Variants in ATL1 observed in about 807,000 individuals in gnomAD.
ATL1 encodes atlastin-1.
In ATL1, 31 loss-of-function variants were observed where a neutral mutation model predicts 75.5. The observed-to-expected ratio is 0.41, with a 90% CI of 0.31 to 0.55. The LOEUF (loss-of-function observed/expected upper bound fraction) is 0.55, where lower values mean the gene tolerates loss of function less well. ATL1 is among the 20% of genes least tolerant of loss of function. ATL1 has a pLI of 0.27. For synonymous variants in ATL1, 226 were observed against 233.3 expected (o/e 0.97, Z 0.28); for missense variants, 405 against 662.6 (o/e 0.61, Z 4.27).
chr14:50,603,513 A>C (rs2039289882), intron 6 of ATL1, among the ~76,000 whole-genome samples: 1 of 151,758 alleles, frequency 6.6e-6, no homozygotes, highest in African/African-American at 2.4e-5. Context: ...ACTCTATTAC[A>C]TTAGGACAAG....
At chr14:50,590,316 C>T (rs1441300207) in intron 2 of ATL1, among the ~76,000 whole-genome samples, 2 of 152,248 alleles carry the variant, frequency 1.3e-5, no homozygotes, top group Non-Finnish European at 2.9e-5. Context: ...CATAACTTTC[C>T]GTCGCCTGCA....
chr14:50,592,929 A>AATATAT (rs1555364084), intron 4 of ATL1, among the ~76,000 whole-genome samples: 137 of 113,870 alleles, frequency 1.2e-3, no homozygotes, highest in African/African-American at 3.3e-3. Flanking sequence ...AAAAAAAAAA[A>AATATAT]ATATATATAT....
At chr14:50,543,465 G>A (rs1211100870) in intron 1 of ATL1, among the ~76,000 whole-genome samples, 1 of 152,216 alleles carries the variant, frequency 6.6e-6, no homozygotes, top group African/African-American at 2.4e-5. Context: ...ATGGGCTTAT[G>A]GAATGCCTTG....
intron 1 of ATL1, among the ~76,000 whole-genome samples, chr14:50,562,049 AC>A (rs2038851778): frequency 6.6e-6 from 1 of 150,926 alleles, no homozygotes; most frequent in African/African-American, 2.4e-5. Flanking sequence ...TTGGCTATAA[AC>A]TTTTTTTTTT....
intron 4 of ATL1, 135 bp downstream of exon 4, chr14:50,591,774 G>T (rs191641958): frequency 6.2e-6 from 4 of 649,050 alleles, no homozygotes; most frequent in Admixed American, 5.3e-5. Flanking sequence ...ATTAGCATAC[G>T]AGTTCTCGTG....
chr14:50,615,565 G>T (rs1385627481), intron 8 of ATL1, among the ~76,000 whole-genome samples: 1 of 152,082 alleles, frequency 6.6e-6, no homozygotes, highest in African/African-American at 2.4e-5. Context: ...TCAGCATGGT[G>T]GTTATATACA....
chr14:50,612,619 A>G (rs769231308), intron 6 of ATL1, among the ~76,000 whole-genome samples: 14 of 152,158 alleles, frequency 9.2e-5, no homozygotes, highest in Non-Finnish European at 2.1e-4. Flanking sequence ...TGCCACATAC[A>G]AAACAGTTCT....
chr14:50,627,140 C>A (rs2039528948), intron 11 of ATL1, among the ~76,000 whole-genome samples: 1 of 152,228 alleles, frequency 6.6e-6, no homozygotes, highest in Non-Finnish European at 1.5e-5. Flanking sequence ...TTCAGCAACA[C>A]CACCCTAATC....
intron 1 of ATL1, among the ~76,000 whole-genome samples, chr14:50,553,085 A>G (rs2140162685): frequency 6.6e-6 from 1 of 152,248 alleles, no homozygotes; most frequent in South Asian, 2.1e-4. Context: ...ACTTGAGGTC[A>G]GGAGTTCAAG....
At chr14:50,578,339 T>C (rs2039025738) in intron 1 of ATL1, among the ~76,000 whole-genome samples, 1 of 152,192 alleles carries the variant, frequency 6.6e-6, no homozygotes, top group Admixed American at 6.5e-5. Context: ...GCCTTGAACA[T>C]ATAAATGTAA....
chr14:50,546,498 G>A (rs1382934530), intron 1 of ATL1, among the ~76,000 whole-genome samples: 2 of 152,050 alleles, frequency 1.3e-5, no homozygotes, highest in African/African-American at 2.4e-5. Context: ...CACACATTAA[G>A]GTAAAGTCAA....
intron 1 of ATL1, among the ~76,000 whole-genome samples, chr14:50,584,871 C>A (rs1271818713): frequency 3.3e-5 from 5 of 151,780 alleles, no homozygotes; most frequent in Non-Finnish European, 7.4e-5. Flanking sequence ...TTAAGAATGC[C>A]TTTTCATCAA....
intron 1 of ATL1, among the ~76,000 whole-genome samples, chr14:50,535,319 C>T (rs1458037711): frequency 1.3e-5 from 2 of 152,182 alleles, no homozygotes; most frequent in East Asian, 3.8e-4. Flanking sequence ...CTAAGGTTCA[C>T]AATTTATTAT....
chr14:50,616,455 G>GTTATTTATTTATTTAT (rs200056004), intron 8 of ATL1, among the ~76,000 whole-genome samples: 1 of 141,250 alleles, frequency 7.1e-6, no homozygotes, highest in Non-Finnish European at 1.5e-5. Context: ...ACCATGCCCG[G>GTTATTTATTTATTTAT]TTATTTATTT....
rs371579681 is a variant in ATL1, at chr14:50,613,329, A to T, written c.701A>T (p.Lys234Ile). 6.2e-7 allele frequency: 1 copy of T among 1,613,206 alleles called. No homozygotes were observed. ...EFSYGADGGA[K>I]FLEKRLKVSG... ...TCATATGGAGCCGATGGTGGTGCCA[A>T]ATTCTTGGAAAAACGCCTCAAGGTT... Residue 234 changes from lysine (K) to isoleucine (I), a missense_variant, in exon 7 of 14, where the codon AAA becomes ATA. Physicochemically the swap from Lys to Ile is moderately radical, Grantham distance 102 (BLOSUM62 -3). This residue lies in a region of ATL1 where 59 missense variants were observed against 161.4 expected (regional missense o/e 0.37). Coordinates refer to ENST00000358385, the MANE Select transcript of ATL1 (RefSeq NM_015915.5).
chr14:50,543,273 G>T (rs2038589163), intron 1 of ATL1, among the ~76,000 whole-genome samples: 1 of 152,220 alleles, frequency 6.6e-6, no homozygotes, highest in African/African-American at 2.4e-5. Context: ...AGAGGCCATT[G>T]CAGAGATCCC....
intron 1 of ATL1, among the ~76,000 whole-genome samples, chr14:50,582,851 C>T (rs1595594835): frequency 6.6e-6 from 1 of 152,080 alleles, no homozygotes; most frequent in Non-Finnish European, 1.5e-5. Context: ...AAAATCTTAG[C>T]AAACTGAATC....
intron 6 of ATL1, among the ~76,000 whole-genome samples, chr14:50,611,208 T>TA (rs996576623): frequency 6.6e-6 from 1 of 152,128 alleles, no homozygotes. Context: ...GAAATCCACC[T>TA]ACACCGCTGA....
rs749993404 is a variant in ATL1, at chr14:50,621,849, A to G, written c.997A>G (p.Ile333Val). Residue 333 changes from isoleucine (I) to valine (V), a missense_variant, in exon 10 of 14, where the codon ATA (isoleucine) becomes GTA (valine). Transcript: ENST00000358385. The stretch of plus-strand genomic sequence containing the variant: ...TCTTTTTCTTTTTTTTTAGGCTTAT[A>G]TAAAGATCTATCAAGGTGAAGAATT... Reference protein sequence around the residue: ...RGLVEYFKAYIKIYQGEELPH... With the variant: ...RGLVEYFKAYVKIYQGEELPH... 5.1e-6 allele frequency: 8 copies of G among 1,579,762 alleles called. No homozygotes were observed. In the East Asian group the frequency reaches 1.8e-4, roughly 35 times the overall value.
Sources: allele counts gnomAD v4.1 joint callset (sites outside exome capture counted in the v4.1 genomes callset), GRCh38; gene constraint gnomAD v4.1.1; regional missense constraint gnomAD v4.1.1; transcripts MANE v1.5; gene names NCBI Gene and HGNC (gene_info 2026-07-23, HGNC 2026-07-21).